Variants in MAN2C1 observed in about 807,000 individuals in gnomAD.
The protein encoded by MAN2C1 is mannosidase alpha class 2C member 1.
A neutral mutation model predicts 126.9 loss-of-function variants in MAN2C1; 111 were observed. The ratio of observed to expected loss-of-function variants is 0.87; its 90% CI spans 0.75 to 1.02. The LOEUF is 1.02. MAN2C1 is among the 50% of genes least tolerant of loss of function. MAN2C1 has a pLI of 0.00. For missense variants in MAN2C1, 1,363 were observed against 1,364.4 expected (o/e 1.00, Z 0.02); for synonymous variants, 567 against 561.5 (o/e 1.01, Z -0.14).
At chr15:75,364,288 A>G in intron 5 of MAN2C1, 100 bp from the exon 6 acceptor site, 1 of 1,370,480 alleles carries the variant, frequency 7.3e-7, no homozygotes, top group Non-Finnish European at 9.7e-7. Context: ...CCTGACCCCC[A>G]ACCCTTTTTC....
At position 75,368,606 on chromosome 15, in the gene MAN2C1, C is replaced by T; in HGVS notation, c.-23G>A. The T allele has an allele frequency of 6.6e-7, 1 of 1,513,296 alleles. No homozygotes were observed. The highest frequency in any genetic ancestry group is 8.9e-7 in the Non-Finnish European group (1 of 1,123,270). 93.7% of individuals were successfully genotyped at this position (1,513,296 alleles called of 1,614,324 possible). ...CATCGCCGGGCTCTCGCTCCTCTTT[C>T]CGGAAGGCCCCTGGCGCTACCGTTC... On this transcript the variant is annotated 5_prime_UTR_variant, in exon 1 of 26. Transcript: ENST00000267978.
intron 3 of MAN2C1, among the ~76,000 whole-genome samples, chr15:75,366,824 G>A (rs1353886814): frequency 1.3e-5 from 2 of 152,238 alleles, no homozygotes; most frequent in Non-Finnish European, 2.9e-5. Context: ...CAAACCCATG[G>A]TCTTATGGGA....
Position 75,360,114 on chromosome 15 carries a change from G to A in MAN2C1, c.1682C>T (p.Ala561Val), listed in dbSNP as rs765927769. 1 of 1,614,004 alleles carries A rather than the reference G, an allele frequency of 6.2e-7. No individual in the cohort carries two copies. ...LARSAQFLYPAAQLQHLWRLL... is the reference protein window; with the variant it reads ...LARSAQFLYPVAQLQHLWRLL... ...CCTCCAGAGGTGCTGCAGCTGGGCT[G>A]CTGGGTATAGGAACTGGGCACTGCG... Residue 561 changes from alanine (A) to valine (V), a missense_variant, in exon 14 of 26, where the codon GCA becomes GTA. By Grantham distance (64) the Ala-to-Val change is moderately conservative. This residue lies in a region of MAN2C1 where 668 missense variants were observed against 650.1 expected (regional missense o/e 1.03). Coordinates refer to ENST00000267978, the MANE Select transcript of MAN2C1 (RefSeq NM_006715.4).
intron 6 of MAN2C1, 81 bp downstream of exon 6, chr15:75,363,918 T>G (rs1398714343): frequency 6.7e-7 from 1 of 1,489,560 alleles, no homozygotes; most frequent in Non-Finnish European, 9.2e-7. Context: ...TTGCTGAGCA[T>G]CACACAGTGC....
At chr15:75,366,652 T>C (rs890913634) in intron 3 of MAN2C1, 60 bp from the exon 4 acceptor site, 18 of 1,319,388 alleles carry the variant, frequency 1.4e-5, no homozygotes, top group Admixed American at 6.4e-5. Flanking sequence ...TCAGGTAAAG[T>C]GTAAGCCATG....
chr15:75,358,591 G>T lies in MAN2C1; in HGVS notation c.2274C>A (p.Thr758=). The stretch of plus-strand genomic sequence containing the variant: ...GGCCGCCCTCGGTGCCCACTGCCAG[G>T]GTCCCTGCCTGGCCCAGCACAGGCT... ...TRKPVLGQAG[T]LAVGTEGGLR... is the part of the protein sequence containing the mutation. The change falls in exon 20 of 26, where the codon ACC becomes ACA. Residue 758 remains threonine, a synonymous_variant. Transcript: ENST00000267978. The T allele has an allele frequency of 6.2e-7, 1 of 1,613,266 alleles. No individual in the cohort carries two copies. Among genetic ancestry groups the T allele is most frequent in the South Asian group, 1.1e-5 (1 of 91,066 alleles).
chr15:75,358,332 C>T lies in MAN2C1; in HGVS notation c.2416G>A (p.Glu806Lys). The T allele has an allele frequency of 6.2e-7, 1 of 1,614,174 alleles. No individual in the cohort carries two copies. Among genetic ancestry groups the T allele is most frequent in the East Asian group, 2.2e-5 (1 of 44,888 alleles). The change falls in exon 21 of 26, where the codon GAG becomes AAG. Residue 806 changes from glutamate (E) to lysine (K), a missense_variant. Physicochemically the swap from Glu to Lys is moderately conservative, Grantham distance 56. Around this residue, in one of 3 missense-constraint regions of MAN2C1, gnomAD observed 668 missense variants for 650.1 expected, o/e 1.03. Coordinates refer to ENST00000267978, the MANE Select transcript of MAN2C1 (RefSeq NM_006715.4). ...VRFHTEVHWH[E>K]AHKFLKVEFP... Reference sequence around the variant, plus strand: ...TCCACCTTCAGGAACTTGTGGGCCTCATGCCAGTGTACCTGGGAGTGGGAA... The same window carrying T: ...TCCACCTTCAGGAACTTGTGGGCCTTATGCCAGTGTACCTGGGAGTGGGAA...
Position 75,362,568 on chromosome 15 carries a change from G to A in MAN2C1, c.897+74C>T. 1 of 1,555,666 alleles carries A rather than the reference G, an allele frequency of 6.4e-7. No individual in the cohort carries two copies. The highest frequency in any genetic ancestry group is 1.8e-5 in the Admixed American group (1 of 56,916). On this transcript the variant is annotated intron_variant, in intron 7 of 25. Coordinates refer to ENST00000267978, the MANE Select transcript of MAN2C1 (RefSeq NM_006715.4). The surrounding 1 kb of genome is among the most constrained non-coding windows in gnomAD (Gnocchi z 4.5). ...AGGAGCAGCCCTGACCCCAGGCCTG[G>A]GAAGCCTTCAGGGCCTGTGGAGCTC...
In MAN2C1 at chr15:75,359,843, G is replaced by A. The variant is rs1183383978; in HGVS notation, c.1792+60C>T. On this transcript the variant is annotated intron_variant, in intron 15 of 25. Transcript: ENST00000267978. The stretch of plus-strand genomic sequence containing the variant: ...AATGTGCCCATGGGTATCCCACAGG[G>A]GACACTCTGGGCTCAGCCCTGGGGT... 6 of 1,612,050 alleles carry A rather than the reference G, an allele frequency of 3.7e-6. No individual in the cohort carries two copies. The Admixed American group carries it at 5.0e-5, about 14-fold the overall frequency.
intron 4 of MAN2C1, 115 bp downstream of exon 4, chr15:75,366,407 G>A: frequency 1.2e-6 from 1 of 804,002 alleles, no homozygotes; most frequent in Non-Finnish European, 2.0e-6. Context: ...GAGATGTGAG[G>A]ATGATTGTGC....
rs776116886 is a variant in MAN2C1, at chr15:75,368,471, CAGG to C, written c.101+9_101+11del. On this transcript the variant is annotated intron_variant, in intron 1 of 25. Coordinates refer to ENST00000267978, the MANE Select transcript of MAN2C1 (RefSeq NM_006715.4). ...TTGCGGTCGGCCGGCTGCGGGGGAC[CAGG>C]GGCCACACCTGCCGCGGAGGTTACA... 19 of 1,547,158 alleles carry C rather than the reference CAGG, an allele frequency of 1.2e-5. No individual in the cohort carries two copies. In the East Asian group the frequency reaches 4.4e-4, roughly 36 times the overall value.
At chr15:75,368,365 G>A in intron 1 of MAN2C1, 118 bp downstream of exon 1, 1 of 1,384,808 alleles carries the variant, frequency 7.2e-7, no homozygotes, top group Non-Finnish European at 9.8e-7. Flanking sequence ...CCCCTGCCCT[G>A]CCCGCGGCGG....
chr15:75,368,574 C>A lies in MAN2C1; in HGVS notation c.10G>T (p.Ala4Ser). The change falls in exon 1 of 26, where the codon GCG (alanine) becomes TCG (serine). Residue 4 changes from alanine (A) to serine (S), a missense_variant. Around this residue, in one of 3 missense-constraint regions of MAN2C1, gnomAD observed 628 missense variants for 609.8 expected, o/e 1.03. Coordinates refer to ENST00000267978, the MANE Select transcript of MAN2C1 (RefSeq NM_006715.4). ...GTGCGCCAGTGCTTCAAGGCCGGCG[C>A]AGCCGCCATCGCCGGGCTCTCGCTC... The part of the protein sequence containing the change: MAA[A>S]PALKHWRTTL... The A allele has an allele frequency of 6.5e-7, 1 of 1,544,422 alleles. No homozygotes were observed. The highest frequency in any genetic ancestry group is 1.2e-5 in the South Asian group (1 of 83,894).
In MAN2C1 at chr15:75,362,249, G is replaced by T; in HGVS notation, c.1008+94C>A. 1.8e-6 allele frequency: 2 copies of T among 1,127,450 alleles called. No individual in the cohort carries two copies. The highest frequency in any genetic ancestry group is 1.5e-5 in the African/African-American group (1 of 65,356). 69.8% of individuals were successfully genotyped at this position (1,127,450 alleles called of 1,614,324 possible). On this transcript the variant is annotated intron_variant, in intron 8 of 25. Transcript: ENST00000267978. This position sits in a 1 kb window ranked among gnomAD's most constrained non-coding sequence, Gnocchi z 4.5. Reference sequence around the variant, plus strand: ...GCCACACAGCGGGGATGAGTGGCCCGTGGAAACTCACCAGCAAAGCCGGGA... The same window carrying T: ...GCCACACAGCGGGGATGAGTGGCCCTTGGAAACTCACCAGCAAAGCCGGGA...
At chr15:75,368,282 C>T (rs2072629032) in intron 1 of MAN2C1, 84 bp from the exon 2 acceptor site, 3 of 1,518,476 alleles carry the variant, frequency 2.0e-6, no homozygotes, top group Middle Eastern at 2.3e-4. Context: ...GCCGCACTTT[C>T]CCTGGATCCT....
rs771953912 is a variant in MAN2C1 at position 75,356,036 on chromosome 15, G to A, written c.2997-4C>T. On this transcript the variant is annotated splice_polypyrimidine_tract_variant and splice_region_variant and intron_variant, in intron 25 of 25. Coordinates refer to ENST00000267978, the MANE Select transcript of MAN2C1 (RefSeq NM_006715.4). This position sits in a 1 kb window ranked among gnomAD's most constrained non-coding sequence, Gnocchi z 5.8. Reference sequence around the variant, plus strand: ...TGGTCGCTCCAAGAGATCGCAGCTGGAGAACAGGAGGGGCCATGAAGGCTC... The same window carrying A: ...TGGTCGCTCCAAGAGATCGCAGCTGAAGAACAGGAGGGGCCATGAAGGCTC... 1 of 1,613,924 alleles carries A rather than the reference G, an allele frequency of 6.2e-7. No individual in the cohort carries two copies. The highest frequency in any genetic ancestry group is 8.5e-7 in the Non-Finnish European group (1 of 1,179,924).
chr15:75,361,493 CAG>C lies in MAN2C1; in HGVS notation c.1218+109_1218+110del. 2.4e-6 allele frequency: 3 copies of C among 1,263,348 alleles called. No individual in the cohort carries two copies. The highest frequency in any genetic ancestry group is 3.5e-6 in the Non-Finnish European group (3 of 864,346). The allele number at this position is 1,263,348 out of a possible 1,614,324, so 78.3% of individuals were successfully genotyped here. On this transcript the variant is annotated intron_variant, in intron 10 of 25. Coordinates refer to ENST00000267978, the MANE Select transcript of MAN2C1 (RefSeq NM_006715.4). This position sits in a 1 kb window ranked among gnomAD's most constrained non-coding sequence, Gnocchi z 5.0. ...GCCTGCTATGTGACCCTGGCAGAGG[CAG>C]AGTGAGGGTTTGGTGGTCTGTCTAG...
chr15:75,359,339 C>G lies in MAN2C1; in HGVS notation c.2035G>C (p.Val679Leu). ...QPLLPQQPVF[V>L]VQETDGSVTL... ...CATGCAGGACTCACCTCTTGCACTA[C>G]GAACACAGGCTGCTGGGGCAGCAGG... Residue 679 changes from valine to leucine, a missense_variant, in exon 17 of 26, where the codon GTA becomes CTA. Val to Leu is a conservative substitution (Grantham distance 32, BLOSUM62 1). Coordinates refer to ENST00000267978, the MANE Select transcript of MAN2C1 (RefSeq NM_006715.4). 1 of 1,593,788 alleles carries G rather than the reference C, an allele frequency of 6.3e-7. No homozygotes were observed. The highest frequency in any genetic ancestry group is 1.1e-5 in the South Asian group (1 of 87,708).
chr15:75,365,007 G>T (rs528543707), intron 4 of MAN2C1, among the ~76,000 whole-genome samples: 1 of 152,290 alleles, frequency 6.6e-6, no homozygotes, highest in East Asian at 1.9e-4. Context: ...GATCTCCCAG[G>T]CTCAAACTTT....
Sources: gnomAD v4.1 joint callset for allele counts (sites outside exome capture counted in the v4.1 genomes callset) on GRCh38, gnomAD v4.1.1 for gene constraint, gnomAD v4.1.1 regional missense constraint, Gnocchi (gnomAD v3.1) non-coding constraint, MANE v1.5 for transcripts, NCBI Gene and HGNC (gene_info 2026-07-23, HGNC 2026-07-21) for gene names.